The following ITSN1 variants were observed in gnomAD, a reference collection of about 807,000 sequenced individuals.
ITSN1 encodes the protein intersectin-1.
Under a neutral mutation model 239.8 loss-of-function variants are expected in ITSN1, and 58 were observed. That is an observed-to-expected ratio of 0.24 (90% CI 0.20 to 0.30). ITSN1 has a LOEUF of 0.30. ITSN1 is among the 10% of genes least tolerant of loss of function. The probability of loss-of-function intolerance (pLI) is 1.00; values close to 1 mark genes in which losing one functional copy is unlikely to be tolerated. For synonymous variants in ITSN1, 780 were observed against 770.8 expected, an observed-to-expected ratio of 1.01 and a Z score of -0.20; for missense variants, 1,558 against 2,103.3, an observed-to-expected ratio of 0.74 and a Z score of 5.07.
chr21:33,828,567 C>T lies in ITSN1; in HGVS notation c.3230-1057C>T, dbSNP rs371197836. On this transcript the variant is annotated intron_variant, in intron 26 of 39. Transcript: ENST00000381318. ...GAGTGAGTAGAAAAGTAGGAAATCTCGTCAGAACATGAGACCTTTTTGCGT... is the reference window on the plus strand; with the variant it reads ...GAGTGAGTAGAAAAGTAGGAAATCTTGTCAGAACATGAGACCTTTTTGCGT... Among the ~76,000 whole-genome samples the T allele has an allele frequency of 3.4e-4, 52 of 152,342 alleles. 1 individual carries two copies. The East Asian group carries it at 6.7e-3, about 20-fold the overall frequency.
chr21:33,658,354 A>G, intron 1 of ITSN1, among the ~76,000 whole-genome samples: 1 of 152,132 alleles, frequency 6.6e-6, no homozygotes, highest in East Asian at 1.9e-4. Flanking sequence ...ATGTTATTCA[A>G]GGGTCAACTA....
intron 1 of ITSN1, among the ~76,000 whole-genome samples, chr21:33,677,264 G>A (rs1169784787): frequency 1.3e-5 from 2 of 152,070 alleles, no homozygotes; most frequent in Non-Finnish European, 2.9e-5. Context: ...AGGCTTAGAT[G>A]GGCAGCTGTC....
At chr21:33,883,507 G>A (rs766676278) in intron 35 of ITSN1, 43 bp from the exon 36 acceptor site, 2 of 1,607,154 alleles carry the variant, frequency 1.2e-6, no homozygotes, top group Non-Finnish European at 1.7e-6. Context: ...GGAGCACACA[G>A]ACCCCCAGCC....
At chr21:33,809,275 C>CT (rs2072715933) in intron 20 of ITSN1, among the ~76,000 whole-genome samples, 1 of 152,094 alleles carries the variant, frequency 6.6e-6, no homozygotes, top group Non-Finnish European at 1.5e-5. Flanking sequence ...AAGGGAACTC[C>CT]TTTTTTGGTT....
At chr21:33,885,341 G>A in intron 37 of ITSN1, 98 bp from the exon 38 acceptor site, 1 of 1,210,860 alleles carries the variant, frequency 8.3e-7, no homozygotes, top group Non-Finnish European at 1.2e-6. Flanking sequence ...TTACTTTTGA[G>A]TCGGGAGAGG....
intron 14 of ITSN1, among the ~76,000 whole-genome samples, chr21:33,776,386 TAAAA>T (rs577351835): frequency 7.9e-6 from 1 of 126,188 alleles, no homozygotes; most frequent in South Asian, 2.6e-4. Context: ...ACCCCATCTC[TAAAA>T]AAAAAAAAAA....
At chr21:33,731,069 A>T (rs188591279) in intron 4 of ITSN1, among the ~76,000 whole-genome samples, 1 of 152,340 alleles carries the variant, frequency 6.6e-6, no homozygotes, top group East Asian at 1.9e-4. Flanking sequence ...TTTATTGAGA[A>T]AAGCGTTTTT....
intron 2 of ITSN1, among the ~76,000 whole-genome samples, chr21:33,719,087 C>G (rs1384901049): frequency 1.3e-5 from 2 of 152,064 alleles, no homozygotes; most frequent in African/African-American, 4.8e-5. Context: ...GTATGTGTAC[C>G]TAAAAGATAA....
At chr21:33,842,066 A>G (rs2074842046) in intron 29 of ITSN1, among the ~76,000 whole-genome samples, 1 of 151,548 alleles carries the variant, frequency 6.6e-6, no homozygotes, top group Non-Finnish European at 1.5e-5. Flanking sequence ...ATGCCTCGCT[A>G]ATTTTTTTGT....
At chr21:33,794,254 T>C in intron 16 of ITSN1, 87 bp from the exon 17 acceptor site, 1 of 1,009,496 alleles carries the variant, frequency 9.9e-7, no homozygotes, top group South Asian at 1.5e-5. Context: ...GTCCTAGGCT[T>C]CCCACTATGA....
intron 34 of ITSN1, 97 bp downstream of exon 34, chr21:33,875,618 C>A: frequency 9.3e-7 from 1 of 1,071,736 alleles, no homozygotes; most frequent in Non-Finnish European, 1.3e-6. Flanking sequence ...TTCTCCTCCC[C>A]AGCCGATAGC....
At chr21:33,725,737 A>G (rs942464481) in intron 4 of ITSN1, among the ~76,000 whole-genome samples, 1 of 152,140 alleles carries the variant, frequency 6.6e-6, no homozygotes, top group Admixed American at 6.5e-5. Flanking sequence ...TTTTTTTCTT[A>G]CGTTTTGCTA....
At chr21:33,712,410 C>T (rs1300322647) in intron 1 of ITSN1, among the ~76,000 whole-genome samples, 2 of 152,080 alleles carry the variant, frequency 1.3e-5, no homozygotes, top group Non-Finnish European at 2.9e-5. Flanking sequence ...GACAGGGGTT[C>T]CTTTCTCAGT....
At chr21:33,735,496 T>TC (rs1313550048) in intron 5 of ITSN1, 28 of 370,958 alleles carry the variant, frequency 7.5e-5, no homozygotes, top group African/African-American at 5.7e-4. Context: ...TTTTTTTTTT[T>TC]CTCTTCCATT....
intron 20 of ITSN1, 106 bp from the exon 21 acceptor site, chr21:33,810,867 CAT>C: frequency 8.2e-7 from 1 of 1,215,976 alleles, no homozygotes; most frequent in Non-Finnish European, 1.2e-6. Context: ...ATTCCTATGC[CAT>C]ATGTCAATCT....
intron 8 of ITSN1, among the ~76,000 whole-genome samples, chr21:33,756,071 A>C (rs561973995): frequency 6.6e-6 from 1 of 152,218 alleles, no homozygotes; most frequent in South Asian, 2.1e-4. Context: ...GCCCTTTGGG[A>C]GGCTGAGGCG....
At chr21:33,708,015 T>C (rs1223895769) in intron 1 of ITSN1, among the ~76,000 whole-genome samples, 1 of 152,152 alleles carries the variant, frequency 6.6e-6, no homozygotes, top group African/African-American at 2.4e-5. Flanking sequence ...TGTGTAGAGC[T>C]GTTCCACATC....
intron 27 of ITSN1, among the ~76,000 whole-genome samples, chr21:33,832,648 C>T (rs139924013): frequency 1.3e-5 from 2 of 151,960 alleles, no homozygotes; most frequent in South Asian, 2.1e-4. Flanking sequence ...GTGGTATACT[C>T]GGTAGATAAA....
At chr21:33,676,638 T>C (rs567041568) in intron 1 of ITSN1, among the ~76,000 whole-genome samples, 57 of 152,330 alleles carry the variant, frequency 3.7e-4, no homozygotes, top group East Asian at 3.3e-3. Context: ...GTAATTTACA[T>C]TTTTAAATAT....
Sources: gnomAD v4.1 joint callset for allele counts (sites outside exome capture counted in the v4.1 genomes callset) on GRCh38, gnomAD v4.1.1 for gene constraint, MANE v1.5 for transcripts, NCBI Gene and HGNC (gene_info 2026-07-23, HGNC 2026-07-21) for gene names.